The following ANK2 variants were observed in gnomAD, a reference collection of about 807,000 sequenced individuals.
The protein encoded by ANK2 is ankyrin-2.
In ANK2, 83 loss-of-function variants were observed where a neutral mutation model predicts 360.5. The observed-to-expected ratio is 0.23, with a 90% CI of 0.19 to 0.28. The LOEUF is 0.28. Ranked by LOEUF, ANK2 falls within the 10% of genes least tolerant of loss-of-function variation. The pLI is 1.00. For synonymous variants in ANK2, 1,740 were observed against 1,759.5 expected, an observed-to-expected ratio of 0.99 and a Z score of 0.28; for missense variants, 4,201 against 4,795.7, an observed-to-expected ratio of 0.88 and a Z score of 3.66.
chr4:112,738,798 A>G, the ANK2 span: 1 of 624,076 alleles, frequency 1.6e-6, no homozygotes, highest in Non-Finnish European at 3.0e-6. Flanking sequence ...AGGTATTGAC[A>G]ACAGGGTTCA....
chr4:112,843,668 G>GA (rs1330642925), intron 1 of ANK2, among the ~76,000 whole-genome samples: 1 of 152,056 alleles, frequency 6.6e-6, no homozygotes, highest in Non-Finnish European at 1.5e-5. Context: ...CCCAAAAAAT[G>GA]AAAATTTTTT....
chr4:113,187,632 T>C (rs2098554430), intron 2 of ANK2, among the ~76,000 whole-genome samples: 1 of 152,122 alleles, frequency 6.6e-6, no homozygotes, highest in African/African-American at 2.4e-5. Flanking sequence ...AGTATACAAA[T>C]ATAAACAGGG....
intron 22 of ANK2, among the ~76,000 whole-genome samples, chr4:113,301,813 G>A (rs2075171307): frequency 6.6e-6 from 1 of 152,208 alleles, no homozygotes; most frequent in South Asian, 2.1e-4. Flanking sequence ...CAAGCATGCA[G>A]TAGACATTCA....
chr4:113,291,802 C>A (rs1211472609), intron 20 of ANK2, among the ~76,000 whole-genome samples: 1 of 152,136 alleles, frequency 6.6e-6, no homozygotes, highest in African/African-American at 2.4e-5. Flanking sequence ...TGAACCTCGC[C>A]CGATTGTGGA....
At chr4:112,993,962 C>A (rs556451120) in intron 2 of ANK2, among the ~76,000 whole-genome samples, 16 of 152,164 alleles carry the variant, frequency 1.1e-4, no homozygotes, top group Non-Finnish European at 2.2e-4. Flanking sequence ...CACTCCTTGG[C>A]CTCCCAAAGT....
rs1165741782 is a variant in ANK2, at chr4:113,035,583, A to G, written c.21+131069A>G. Among the ~76,000 whole-genome samples, 49 of 151,862 alleles carry G rather than the reference A, an allele frequency of 3.2e-4. 2 individuals are homozygous for G. Among genetic ancestry groups the G allele is most frequent in the Admixed American group, 3.2e-3 (49 of 15,202 alleles). ...TTCGAGTAAAATGCTTGAAGGCAGG[A>G]ATGTGTAGATGAATTTAGGCAATAG... is the stretch of plus-strand genomic sequence containing the variant. On this transcript the variant is annotated intron_variant, in intron 2 of 30. Transcript: ENST00000503271.
chr4:112,764,261 T>A, the ANK2 span, among the ~76,000 whole-genome samples: 2 of 152,178 alleles, frequency 1.3e-5, no homozygotes, highest in African/African-American at 4.8e-5. Flanking sequence ...CTTTCATGAT[T>A]ATTTTTCCTT....
chr4:112,829,700 A>G (rs2059284445), intron 1 of ANK2, among the ~76,000 whole-genome samples: 2 of 152,128 alleles, frequency 1.3e-5, no homozygotes, highest in South Asian at 4.1e-4. Context: ...TCACACCTGT[A>G]ATCCCAGCAC....
chr4:112,841,568 C>T (rs2062088792), intron 1 of ANK2, among the ~76,000 whole-genome samples: 1 of 152,290 alleles, frequency 6.6e-6, no homozygotes, highest in East Asian at 1.9e-4. Context: ...AGATGGTTCT[C>T]TCTTATTCTG....
At chr4:112,958,265 C>G (rs1233105222) in intron 2 of ANK2, among the ~76,000 whole-genome samples, 3 of 152,198 alleles carry the variant, frequency 2.0e-5, no homozygotes, top group Admixed American at 1.3e-4. Context: ...GAGGTTGTAG[C>G]GAGCCGAGAT....
At chr4:113,011,727 A>C (rs994446194) in intron 2 of ANK2, among the ~76,000 whole-genome samples, 1 of 152,082 alleles carries the variant, frequency 6.6e-6, no homozygotes, top group African/African-American at 2.4e-5. Context: ...TTTTAGGAAC[A>C]AAAATGGGGA....
intron 5 of ANK2, among the ~76,000 whole-genome samples, chr4:113,234,394 T>C (rs370464653): frequency 6.6e-6 from 1 of 152,264 alleles, no homozygotes; most frequent in East Asian, 1.9e-4. Flanking sequence ...TGTTTCATTT[T>C]AGACAATCAT....
intron 1 of ANK2, among the ~76,000 whole-genome samples, chr4:112,904,253 G>A (rs2084451419): frequency 6.6e-6 from 1 of 151,946 alleles, no homozygotes; most frequent in Admixed American, 6.6e-5. Context: ...ATCACATTCT[G>A]TTTTGGCTAC....
intron 2 of ANK2, among the ~76,000 whole-genome samples, chr4:112,926,694 A>C (rs536810576): frequency 3.3e-4 from 50 of 152,356 alleles, no homozygotes; most frequent in Non-Finnish European, 5.6e-4. Context: ...TAGAAATGCT[A>C]ATACACTTTG....
chr4:112,998,205 G>A (rs368872684), intron 2 of ANK2, among the ~76,000 whole-genome samples: 1 of 151,950 alleles, frequency 6.6e-6, no homozygotes, highest in South Asian at 2.1e-4. Context: ...AGGTACATTT[G>A]CCTGTTTTGC....
At chr4:112,781,494 AC>A in the ANK2 span, among the ~76,000 whole-genome samples, 117 of 152,200 alleles carry the variant, frequency 7.7e-4, no homozygotes, top group African/African-American at 2.6e-3. Context: ...AAGAAAAAAA[AC>A]AAATTGTCTA....
chr4:112,804,855 T>C, the ANK2 span, among the ~76,000 whole-genome samples: 3 of 151,558 alleles, frequency 2.0e-5, no homozygotes, highest in East Asian at 5.8e-4. Flanking sequence ...CTAGATACTC[T>C]GGAGGCTGAG....
At chr4:112,753,958 C>T in the ANK2 span, among the ~76,000 whole-genome samples, 31 of 151,644 alleles carry the variant, frequency 2.0e-4, no homozygotes, top group African/African-American at 6.8e-4. Flanking sequence ...ATTAGCCAGG[C>T]GTGGTGGCAC....
chr4:113,090,261 T>G (rs2154352925), intron 1 of ANK2, among the ~76,000 whole-genome samples: 1 of 152,370 alleles, frequency 6.6e-6, no homozygotes, highest in South Asian at 2.1e-4. Context: ...TATAGTTTTA[T>G]GAAATAAATT....
Sources: gnomAD v4.1 joint callset for allele counts (sites outside exome capture counted in the v4.1 genomes callset) on GRCh38, gnomAD v4.1.1 for gene constraint, MANE v1.5 for transcripts, NCBI Gene and HGNC (gene_info 2026-07-23, HGNC 2026-07-21) for gene names.